S100Z: variants seen among roughly 807,000 people sequenced by gnomAD.
S100Z encodes S100 calcium binding protein Z.
S100Z carries 11 observed loss-of-function variants against 8.5 expected under a neutral mutation model. The ratio of observed to expected loss-of-function variants is 1.30; its 90% CI spans 0.82 to 2.15. S100Z has a LOEUF of 2.15. S100Z is among the 30% of genes most tolerant of loss of function. The pLI, the probability that S100Z is intolerant of heterozygous loss-of-function variation, is 0.00. For missense variants in S100Z, 126 were observed against 117.9 expected (o/e 1.07, Z -0.32); for synonymous variants, 34 against 43.8 (o/e 0.78, Z 0.89).
chr5:76,941,949 A>G, the S100Z span, among the ~76,000 whole-genome samples: 569 of 152,202 alleles, frequency 3.7e-3, 2 homozygotes, highest in African/African-American at 0.013. Context: ...ATAATCCAAT[A>G]TTACTTTATT....
At chr5:76,949,215 C>T in the S100Z span, among the ~76,000 whole-genome samples, 146 of 152,134 alleles carry the variant, frequency 9.6e-4, no homozygotes, top group African/African-American at 2.8e-3. Context: ...GGTGAAACCC[C>T]GTCTCTACTA....
chr5:76,904,972 A>G (rs541558247), intron 4 of S100Z, among the ~76,000 whole-genome samples: 35 of 152,328 alleles, frequency 2.3e-4, no homozygotes, highest in South Asian at 6.2e-4. Context: ...TGCCTAATCC[A>G]GTGGTTTTCA....
chr5:76,929,451 A>C, the S100Z span, among the ~76,000 whole-genome samples: 5 of 152,346 alleles, frequency 3.3e-5, no homozygotes, highest in East Asian at 5.8e-4. Flanking sequence ...GTCCTGATAC[A>C]TGCAGTAAAA....
At chr5:76,923,000 T>C (rs955787679), downstream of S100Z, among the ~76,000 whole-genome samples, 28 of 141,216 alleles carry the variant, frequency 2.0e-4, no homozygotes, top group African/African-American at 7.5e-4. Context: ...CCTTTGCCCC[T>C]ACAATGCCTA....
Position 76,877,834 on chromosome 5 carries a change from G to A in S100Z, c.*2G>A, listed in dbSNP as rs767909456. Reference sequence around the variant, plus strand: ...CAATTGAAGAAGAAAGGAAAATAAAGGTAAGTAATAAGCTCATCTAAAGGC... The same window carrying A: ...CAATTGAAGAAGAAAGGAAAATAAAAGTAAGTAATAAGCTCATCTAAAGGC... On this transcript the variant is annotated splice_region_variant and 3_prime_UTR_variant, in exon 4 of 5. Coordinates refer to ENST00000317593, the MANE Select transcript of S100Z (RefSeq NM_130772.4). 3.7e-6 allele frequency: 6 copies of A among 1,606,906 alleles called. No individual in the cohort carries two copies. The African/African-American group carries it at 8.0e-5, about 21-fold the overall frequency.
At chr5:76,890,624 G>C (rs1290640104) in intron 4 of S100Z, among the ~76,000 whole-genome samples, 1 of 151,970 alleles carries the variant, frequency 6.6e-6, no homozygotes, top group Non-Finnish European at 1.5e-5. Context: ...CACTAGCCTG[G>C]GTGACAGAGT....
the S100Z span, among the ~76,000 whole-genome samples, chr5:76,950,474 T>C: frequency 6.6e-6 from 1 of 152,322 alleles, no homozygotes; most frequent in East Asian, 1.9e-4. Context: ...GCCTTCAGGC[T>C]TAACATAGGT....
intron 4 of S100Z, among the ~76,000 whole-genome samples, chr5:76,914,823 A>C (rs1487349952): frequency 2.0e-5 from 3 of 152,168 alleles, no homozygotes; most frequent in Non-Finnish European, 4.4e-5. Flanking sequence ...CTCACAGTGA[A>C]GGTCTGAAGC....
At chr5:76,875,609 C>A (rs2150640744) in intron 3 of S100Z, 109 bp downstream of exon 3, 3 of 935,826 alleles carry the variant, frequency 3.2e-6, no homozygotes, top group Non-Finnish European at 4.7e-6. Flanking sequence ...CAAATGCAGC[C>A]AAATTTGTAC....
At chr5:76,926,753 T>G in the S100Z span, among the ~76,000 whole-genome samples, 1 of 152,172 alleles carries the variant, frequency 6.6e-6, no homozygotes, top group Admixed American at 6.5e-5. Context: ...AAAATTCTCT[T>G]CTCAGGAATT....
At chr5:76,861,763 T>C (rs1226091515) in intron 1 of S100Z, among the ~76,000 whole-genome samples, 2 of 152,224 alleles carry the variant, frequency 1.3e-5, no homozygotes, top group Admixed American at 6.5e-5. Flanking sequence ...TCAAGATTCA[T>C]CTACTTCATT....
At chr5:76,898,155 C>CT (rs35746616) in intron 4 of S100Z, among the ~76,000 whole-genome samples, 142,347 of 146,894 alleles carry the variant, frequency 0.97, 69,065 homozygotes, top group Non-Finnish European at 0.99. Context: ...GAGTTATATT[C>CT]TTTTTTTTTT....
Position 76,859,768 on chromosome 5 carries a change from CAA to C in S100Z, c.-176+9629_-176+9630del, listed in dbSNP as rs70982653. Among the ~76,000 whole-genome samples, 177 of 97,652 alleles carry C rather than the reference CAA, an allele frequency of 1.8e-3. 1 individual carries two copies. Among genetic ancestry groups the C allele is most frequent in the Admixed American group, 1.9e-3 (16 of 8,542 alleles). The allele number at this position is 97,652 out of a possible 152,430, so 64.1% of individuals were successfully genotyped here. On this transcript the variant is annotated intron_variant, in intron 1 of 4. Coordinates refer to ENST00000317593, the MANE Select transcript of S100Z (RefSeq NM_130772.4). ...TGCACTACAGCCAGGGCAACAGAGC[CAA>C]AAAAAAAAAAAAAAAGAAATAAGAA... is the stretch of plus-strand genomic sequence containing the variant.
At chr5:76,917,419 G>A (rs1327532001) in intron 4 of S100Z, among the ~76,000 whole-genome samples, 3 of 152,064 alleles carry the variant, frequency 2.0e-5, no homozygotes, top group Non-Finnish European at 4.4e-5. Flanking sequence ...AGGCTGCCTA[G>A]GTGTGAGGTG....
intron 4 of S100Z, among the ~76,000 whole-genome samples, chr5:76,894,102 G>A (rs528594346): frequency 1.3e-5 from 2 of 152,246 alleles, no homozygotes; most frequent in African/African-American, 4.8e-5. Flanking sequence ...TTTAAGACTG[G>A]TAAGAAACAT....
chr5:76,945,473 C>G, the S100Z span, among the ~76,000 whole-genome samples: 3 of 152,176 alleles, frequency 2.0e-5, no homozygotes, highest in African/African-American at 7.2e-5. Context: ...TGGAATGTCT[C>G]GGTATAAAAC....
At chr5:76,952,341 G>A in the S100Z span, among the ~76,000 whole-genome samples, 72 of 152,330 alleles carry the variant, frequency 4.7e-4, no homozygotes, top group African/African-American at 1.4e-3. Flanking sequence ...GTCTAGGAGT[G>A]TGTACATCAT....
intron 1 of S100Z, among the ~76,000 whole-genome samples, chr5:76,852,025 A>C (rs1750742962): frequency 6.6e-6 from 1 of 151,564 alleles, no homozygotes; most frequent in African/African-American, 2.4e-5. Context: ...AAATCCAGGA[A>C]TTCTTAAAAA....
the S100Z span, among the ~76,000 whole-genome samples, chr5:76,932,996 A>G: frequency 6.6e-6 from 1 of 152,256 alleles, no homozygotes; most frequent in Non-Finnish European, 1.5e-5. Context: ...ACAAAGAGGT[A>G]CTTTTGTAAT....
Sources: allele counts gnomAD v4.1 joint callset (sites outside exome capture counted in the v4.1 genomes callset), GRCh38; gene constraint gnomAD v4.1.1; transcripts MANE v1.5; gene names NCBI Gene and HGNC (gene_info 2026-07-23, HGNC 2026-07-21).